Variants in ANK3 observed in about 807,000 individuals in gnomAD.
The protein encoded by ANK3 is ankyrin 3.
ANK3 carries 57 observed loss-of-function variants against 370.9 expected under a neutral mutation model. The ratio of observed to expected loss-of-function variants is 0.15; its 90% CI spans 0.12 to 0.19. The LOEUF is 0.19. ANK3 is among the 10% of genes least tolerant of loss of function. The pLI is 1.00. For missense variants in ANK3, 4,439 were observed against 5,302.1 expected, an observed-to-expected ratio of 0.84 and a Z score of 5.06; for synonymous variants, 1,929 against 1,946.3, an observed-to-expected ratio of 0.99 and a Z score of 0.23.
intron 2 of ANK3, among the ~76,000 whole-genome samples, chr10:60,491,934 G>A (rs182223060): frequency 6.1e-4 from 93 of 152,234 alleles, no homozygotes; most frequent in Admixed American, 1.8e-3. Flanking sequence ...AACAGTGTCT[G>A]GTGATATATA....
At chr10:60,386,661 T>C (rs759191050) in intron 1 of ANK3, among the ~76,000 whole-genome samples, 15 of 152,162 alleles carry the variant, frequency 9.9e-5, no homozygotes, top group Non-Finnish European at 2.9e-5. Context: ...AGTCTACATA[T>C]GTATTATGAT....
chr10:60,479,296 G>C (rs906557928), intron 2 of ANK3, among the ~76,000 whole-genome samples: 1 of 152,010 alleles, frequency 6.6e-6, no homozygotes, highest in African/African-American at 2.4e-5. Context: ...GATAGATTTA[G>C]ATACACAAAT....
chr10:60,098,075 C>T (rs905271647), intron 28 of ANK3, among the ~76,000 whole-genome samples: 4 of 152,264 alleles, frequency 2.6e-5, no homozygotes, highest in Non-Finnish European at 5.9e-5. Context: ...CAGGCAAGTT[C>T]CTGAACTTCT....
In ANK3 at chr10:60,080,400, G is replaced by A. The variant is rs926111475; in HGVS notation, c.4432+137C>T. On this transcript the variant is annotated intron_variant, in intron 36 of 43. Transcript: ENST00000280772. ...CAACTAGGCACAAAATATTACTTAG[G>A]TTGTATGACAGGGTTTTCCTGCAGG... is the stretch of plus-strand genomic sequence containing the variant. 9.7e-6 allele frequency: 7 copies of A among 721,730 alleles called. No individual in the cohort carries two copies. The East Asian group carries it at 1.7e-4, about 17-fold the overall frequency. 44.7% of individuals were successfully genotyped at this position (721,730 alleles called of 1,614,324 possible).
At chr10:60,590,517 G>A (rs754704714) in intron 2 of ANK3, among the ~76,000 whole-genome samples, 9 of 152,180 alleles carry the variant, frequency 5.9e-5, no homozygotes, top group Non-Finnish European at 1.2e-4. Context: ...GAGTGTTTCA[G>A]ATTTAATGGT....
At chr10:60,206,624 C>A (rs1052917472) in intron 10 of ANK3, among the ~76,000 whole-genome samples, 1 of 152,174 alleles carries the variant, frequency 6.6e-6, no homozygotes, top group African/African-American at 2.4e-5. Context: ...ACAAGACCAG[C>A]TCTAAAACGT....
rs113621642 is a variant in ANK3, at chr10:60,123,434, C to T, written c.2842-9103G>A. Among the ~76,000 whole-genome samples, 287 of 152,248 alleles carry T rather than the reference C, an allele frequency of 1.9e-3. 1 individual carries two copies. Among genetic ancestry groups the T allele is most frequent in the African/African-American group, 6.8e-3 (283 of 41,530 alleles). ...CTGGCCTTACAAACAAGGACACACC[C>T]AAATGCCCAGGTCTGGAAATAATTG... On this transcript the variant is annotated intron_variant, in intron 25 of 43. Coordinates refer to ENST00000280772, the MANE Select transcript of ANK3 (RefSeq NM_020987.5).
At chr10:60,084,474 A>T (rs749905946) in intron 32 of ANK3, 128 bp downstream of exon 32, 2 of 547,186 alleles carry the variant, frequency 3.7e-6, no homozygotes, top group South Asian at 4.0e-5. Context: ...TCTATATCAA[A>T]TTTTTTAAAG....
intron 2 of ANK3, among the ~76,000 whole-genome samples, chr10:60,524,305 A>T (rs982069611): frequency 6.6e-6 from 1 of 152,114 alleles, no homozygotes; most frequent in Non-Finnish European, 1.5e-5. Context: ...GAACCTGGCT[A>T]TGAAGAGAGT....
chr10:60,544,334 G>A (rs2076916194), intron 2 of ANK3, among the ~76,000 whole-genome samples: 1 of 152,098 alleles, frequency 6.6e-6, no homozygotes, highest in Admixed American at 6.6e-5. Flanking sequence ...AAATTAGAAT[G>A]TAATTATGGT....
intron 2 of ANK3, among the ~76,000 whole-genome samples, chr10:60,457,879 G>T (rs1274065227): frequency 6.6e-6 from 1 of 152,076 alleles, no homozygotes; most frequent in African/African-American, 2.4e-5. Flanking sequence ...GTGGGCGGTA[G>T]TGTAGTAGAG....
chr10:60,201,476 T>C (rs567958480), intron 12 of ANK3, among the ~76,000 whole-genome samples: 259 of 152,332 alleles, frequency 1.7e-3, no homozygotes, highest in African/African-American at 5.9e-3. Flanking sequence ...AATATTATGA[T>C]GTCAAATTTG....
intron 9 of ANK3, among the ~76,000 whole-genome samples, chr10:60,211,892 C>CAAAAAAAAAAAAAAAAAAAAAAAGAAAAA (rs72238553): frequency 1.1e-5 from 1 of 93,400 alleles, no homozygotes; most frequent in African/African-American, 4.8e-5. Flanking sequence ...AATACAGAGC[C>CAAAAAAAAAAAAAAAAAAAAAAAGAAAAA]AAAAAAAAAA....
intron 38 of ANK3, among the ~76,000 whole-genome samples, chr10:60,065,081 A>G (rs1013882200): frequency 4.6e-5 from 7 of 152,170 alleles, no homozygotes; most frequent in South Asian, 2.1e-4. Context: ...CAAGTTTCAT[A>G]AACTCCACAC....
In ANK3 at chr10:60,072,562, G is replaced by T; in HGVS notation, c.8319C>A (p.Leu2773=). The part of the protein sequence containing the change: ...AREKQQKAID[L]PDESVSVQKD... ...TTTGCACAGATACACTTTCATCTGG[G>T]AGGTCTATGGCCTTCTGCTGTTTTT... The change falls in exon 37 of 44, where the codon CTC becomes CTA. Residue 2773 remains leucine (L), a synonymous_variant. Transcript: ENST00000280772. 6.2e-7 allele frequency: 1 copy of T among 1,613,382 alleles called. No homozygotes were observed. The highest frequency in any genetic ancestry group is 8.5e-7 in the Non-Finnish European group (1 of 1,179,842).
chr10:60,409,493 T>G (rs2063517323), intron 2 of ANK3, among the ~76,000 whole-genome samples: 1 of 152,222 alleles, frequency 6.6e-6, no homozygotes, highest in East Asian at 1.9e-4. Context: ...GCTGATTCAC[T>G]TTCCACTGGT....
At position 60,069,342 on chromosome 10, in the gene ANK3, G is replaced by A. The variant is rs766563829; in HGVS notation, c.11539C>T (p.Leu3847Phe). Reference sequence around the variant, plus strand: ...TCCTTTGTTTTTTGCTGTTCTCCAAGAACTTTCTGCTTATCTCTTACACAG... The same window carrying A: ...TCCTTTGTTTTTTGCTGTTCTCCAAAAACTTTCTGCTTATCTCTTACACAG... ...GHCVRDKQKVLGEQQKTKELI... is the reference protein window; with the variant it reads ...GHCVRDKQKVFGEQQKTKELI... The change falls in exon 37 of 44, where the codon CTT (leucine) becomes TTT (phenylalanine). Residue 3847 changes from leucine to phenylalanine, a missense_variant. Physicochemically the swap from Leu to Phe is conservative, Grantham distance 22. Around this residue, in one of 13 missense-constraint regions of ANK3, gnomAD observed 496 missense variants for 529.3 expected, o/e 0.94. Coordinates refer to ENST00000280772, the MANE Select transcript of ANK3 (RefSeq NM_020987.5). 11 of 1,614,070 alleles carry A rather than the reference G, an allele frequency of 6.8e-6. No individual in the cohort carries two copies. Among genetic ancestry groups the A allele is most frequent in the African/African-American group, 1.3e-5 (1 of 75,014 alleles).
At chr10:60,117,746 G>A (rs929344402) in intron 25 of ANK3, among the ~76,000 whole-genome samples, 42 of 152,154 alleles carry the variant, frequency 2.8e-4, no homozygotes, top group Non-Finnish European at 3.8e-4. Context: ...CCCGGGAGGC[G>A]GAGGTTGCAG....
In ANK3 at chr10:60,069,075, C is replaced by T. The variant is rs1194739431; in HGVS notation, c.11806G>A (p.Gly3936Arg). Residue 3936 changes from glycine to arginine, a missense_variant, in exon 37 of 44, where the codon GGG becomes AGG. Gly to Arg is a moderately radical substitution (Grantham distance 125). Coordinates refer to ENST00000280772, the MANE Select transcript of ANK3 (RefSeq NM_020987.5). ...TTGGCCTTGCCTTTCTCTGGCTGCC[C>T]TTGCTTTTGTGTGGCACATGCTTTT... ...VRKACATQKQ[G>R]QPEKGKAKQL... 3.1e-6 allele frequency: 5 copies of T among 1,614,086 alleles called. No homozygotes were observed. Among genetic ancestry groups the T allele is most frequent in the Non-Finnish European group, 4.2e-6 (5 of 1,180,000 alleles).
Sources: gnomAD v4.1 joint callset for allele counts (sites outside exome capture counted in the v4.1 genomes callset) on GRCh38, gnomAD v4.1.1 for gene constraint, gnomAD v4.1.1 regional missense constraint, MANE v1.5 for transcripts, NCBI Gene and HGNC (gene_info 2026-07-23, HGNC 2026-07-21) for gene names.